Variants in PDE4D observed in about 807,000 individuals in gnomAD.
PDE4D encodes the protein 3',5'-cyclic-AMP phosphodiesterase 4D.
Under a neutral mutation model 87.4 loss-of-function variants are expected in PDE4D, and 24 were observed. That is an observed-to-expected ratio of 0.27 (90% CI 0.20 to 0.39). The LOEUF (loss-of-function observed/expected upper bound fraction) is 0.39, where lower values mean the gene tolerates loss of function less well. Ranked by LOEUF, PDE4D falls within the 10% of genes least tolerant of loss-of-function variation. PDE4D has a pLI of 1.00. For synonymous variants in PDE4D, 384 were observed against 383.2 expected, an observed-to-expected ratio of 1.00 and a Z score of -0.02; for missense variants, 714 against 1,041.0, an observed-to-expected ratio of 0.69 and a Z score of 4.32.
intron 1 of PDE4D, among the ~76,000 whole-genome samples, chr5:59,492,297 G>A (rs986382908): frequency 1.3e-5 from 2 of 152,132 alleles, no homozygotes; most frequent in Admixed American, 1.3e-4. Context: ...ATTCACTAGA[G>A]AATTTATTCA....
At chr5:59,199,764 C>T (rs1421512109) in intron 2 of PDE4D, among the ~76,000 whole-genome samples, 2 of 151,960 alleles carry the variant, frequency 1.3e-5, no homozygotes, top group African/African-American at 2.4e-5. Context: ...CTCTCTAGAC[C>T]CATCTTCATA....
chr5:59,308,666 T>TG (rs1771915072), intron 1 of PDE4D, among the ~76,000 whole-genome samples: 1 of 145,858 alleles, frequency 6.9e-6, no homozygotes, highest in African/African-American at 2.5e-5. Flanking sequence ...GGGTAGGGGT[T>TG]GGGGGGCGCA....
rs71627980 is a variant in PDE4D at position 59,960,716 on chromosome 5, G to C, written c.272+27772C>G. ...ACAAGGAACTCAAAAAGAGGGGAGG[G>C]AGAGAGGAGGCAAGGGCTGAAAAAC... is the stretch of plus-strand genomic sequence containing the variant. On this transcript the variant is annotated intron_variant, in intron 3 of 16. Transcript: ENST00000502484. 7.6e-3 allele frequency among the ~76,000 whole-genome samples: 1,157 copies of C among 152,184 alleles called. 14 individuals are homozygous for C. Among genetic ancestry groups the C allele is most frequent in the Non-Finnish European group, 0.011 (734 of 68,000 alleles).
intron 11 of PDE4D, among the ~76,000 whole-genome samples, chr5:58,982,783 T>C (rs10472082): frequency 0.16 from 24,286 of 152,114 alleles, 2,069 homozygotes; most frequent in Admixed American, 0.19. Flanking sequence ...ATGGCCACTT[T>C]GTTCTTAGCA....
chr5:59,246,230 C>A (rs1758813038), intron 1 of PDE4D, among the ~76,000 whole-genome samples: 1 of 151,912 alleles, frequency 6.6e-6, no homozygotes, highest in Non-Finnish European at 1.5e-5. Context: ...AGGTACCAAC[C>A]ATTTTGCTTT....
intron 1 of PDE4D, among the ~76,000 whole-genome samples, chr5:59,729,374 T>A (rs1757055087): frequency 6.6e-6 from 1 of 152,106 alleles, no homozygotes; most frequent in Non-Finnish European, 1.5e-5. Flanking sequence ...TTAAGCTACA[T>A]TTATCAAATT....
At chr5:60,313,595 T>A (rs942509591) in intron 1 of PDE4D, among the ~76,000 whole-genome samples, 24 of 152,294 alleles carry the variant, frequency 1.6e-4, no homozygotes, top group African/African-American at 5.8e-4. Flanking sequence ...GAGGCCAGCA[T>A]CATTCTGATA....
chr5:59,297,218 A>AC, intron 1 of PDE4D, among the ~76,000 whole-genome samples: 1 of 152,226 alleles, frequency 6.6e-6, no homozygotes. Flanking sequence ...TTAACATCCT[A>AC]TAAAGGAATC....
intron 1 of PDE4D, among the ~76,000 whole-genome samples, chr5:59,613,135 G>C (rs1490274412): frequency 6.6e-6 from 1 of 152,102 alleles, no homozygotes; most frequent in African/African-American, 2.4e-5. Context: ...GAACCAAGCT[G>C]GTTGCCATGG....
At chr5:59,997,905 G>A (rs1023645484) in intron 2 of PDE4D, among the ~76,000 whole-genome samples, 14 of 152,202 alleles carry the variant, frequency 9.2e-5, no homozygotes, top group Admixed American at 4.6e-4. Flanking sequence ...AGCTTAAACA[G>A]GTTAGTTTGT....
At chr5:59,419,816 G>A (rs183473359) in intron 1 of PDE4D, among the ~76,000 whole-genome samples, 1 of 152,268 alleles carries the variant, frequency 6.6e-6, no homozygotes, top group African/African-American at 2.4e-5. Context: ...AAACTTCAGT[G>A]GAGTCATCTC....
At chr5:60,088,550 AT>A (rs2152909108) in intron 2 of PDE4D, among the ~76,000 whole-genome samples, 1 of 152,062 alleles carries the variant, frequency 6.6e-6, no homozygotes, top group African/African-American at 2.4e-5. Flanking sequence ...TGTAGAGTTT[AT>A]TTTTGTTTAT....
chr5:60,396,372 C>A (rs1314841409), intron 1 of PDE4D, among the ~76,000 whole-genome samples: 1 of 152,180 alleles, frequency 6.6e-6, no homozygotes, highest in Non-Finnish European at 1.5e-5. Flanking sequence ...GACCCTGCCA[C>A]ATATTTCTTT....
At chr5:59,272,246 T>C (rs1561856508) in intron 1 of PDE4D, among the ~76,000 whole-genome samples, 1 of 152,072 alleles carries the variant, frequency 6.6e-6, no homozygotes, top group Non-Finnish European at 1.5e-5. Context: ...TTTATATTTA[T>C]ATTTGTAAGA....
At chr5:59,349,588 AT>A (rs1455793498) in intron 1 of PDE4D, among the ~76,000 whole-genome samples, 1 of 152,182 alleles carries the variant, frequency 6.6e-6, no homozygotes, top group Non-Finnish European at 1.5e-5. Flanking sequence ...AATAAATAGT[AT>A]AAATTTTATA....
chr5:60,500,908 A>G (rs457053), intron 1 of PDE4D, among the ~76,000 whole-genome samples: 58,044 of 151,648 alleles, frequency 0.38, 11,311 homozygotes, highest in South Asian at 0.54. Flanking sequence ...CTAACAGCTG[A>G]GGCAACTGAG....
Position 59,327,453 on chromosome 5 carries a change from C to T in PDE4D, c.456-111485G>A, listed in dbSNP as rs1775926346. Among the ~76,000 whole-genome samples, 3 of 152,172 alleles carry T rather than the reference C, an allele frequency of 2.0e-5. No homozygotes were observed. In the South Asian group the frequency reaches 6.2e-4, roughly 32 times the overall value. On this transcript the variant is annotated intron_variant, in intron 1 of 14. Coordinates refer to ENST00000340635, the MANE Select transcript of PDE4D (RefSeq NM_001104631.2). ...AGGATGATGAACAAGTGCAAATGAGCTACCTTAAGAAAGCGATAGCACAAA... is the reference window on the plus strand; with the variant it reads ...AGGATGATGAACAAGTGCAAATGAGTTACCTTAAGAAAGCGATAGCACAAA...
At chr5:59,537,972 T>G (rs1212704197) in intron 1 of PDE4D, among the ~76,000 whole-genome samples, 2 of 152,238 alleles carry the variant, frequency 1.3e-5, no homozygotes, top group Non-Finnish European at 2.9e-5. Context: ...TGATTCCTAA[T>G]GAAAATGAGA....
chr5:59,579,836 C>T (rs969014148), intron 1 of PDE4D, among the ~76,000 whole-genome samples: 8 of 152,176 alleles, frequency 5.3e-5, no homozygotes, highest in Admixed American at 3.9e-4. Context: ...CCTAATATAT[C>T]GTCCAGAGAG....
Sources: gnomAD v4.1 joint callset for allele counts (sites outside exome capture counted in the v4.1 genomes callset) on GRCh38, gnomAD v4.1.1 for gene constraint, MANE v1.5 for transcripts, NCBI Gene and HGNC (gene_info 2026-07-23, HGNC 2026-07-21) for gene names.